RAD23B: variants seen among roughly 807,000 people sequenced by gnomAD.
RAD23B encodes the protein lysine-specific demethylase RAD23B.
A neutral mutation model predicts 49.1 loss-of-function variants in RAD23B; 5 were observed. That is an observed-to-expected ratio of 0.10 (90% CI 0.05 to 0.21). The LOEUF is 0.21. Among genes scored for constraint, RAD23B ranks in the 10% least tolerant of loss-of-function variants. The probability of loss-of-function intolerance (pLI) is 1.00; values close to 1 mark genes in which losing one functional copy is unlikely to be tolerated. For missense variants in RAD23B, 356 were observed against 486.7 expected (o/e 0.73, Z 2.53); for synonymous variants, 184 against 165.4 (o/e 1.11, Z -0.86).
chr9:107,306,515 C>T lies in RAD23B; in HGVS notation c.365C>T (p.Thr122Ile), dbSNP rs759152448. The T allele has an allele frequency of 1.2e-6, 2 of 1,614,038 alleles. No homozygotes were observed. Among genetic ancestry groups the T allele is most frequent in the African/African-American group, 1.3e-5 (1 of 74,910 alleles). ...TPVPALAPTS[T>I]PASITPASAT... ...GTCCCTGCCTTGGCCCCCACTTCCA[C>T]ACCTGCATCCATCACTCCAGCATCA... Residue 122 changes from threonine (T) to isoleucine (I), a missense_variant, in exon 4 of 10, where the codon ACA (threonine) becomes ATA (isoleucine). By Grantham distance (89) the Thr-to-Ile change is moderately conservative. This residue lies in a region of RAD23B where 137 missense variants were observed against 122.0 expected (regional missense o/e 1.12). Transcript: ENST00000358015.
chr9:107,298,163 C>T (rs1826571284), intron 1 of RAD23B, among the ~76,000 whole-genome samples: 1 of 152,172 alleles, frequency 6.6e-6, no homozygotes, highest in Non-Finnish European at 1.5e-5. Flanking sequence ...CTGAGTGCTC[C>T]ACCCATGCTC....
intron 6 of RAD23B, among the ~76,000 whole-genome samples, chr9:107,319,621 C>T (rs1465170160): frequency 1.3e-5 from 2 of 152,174 alleles, no homozygotes; most frequent in Non-Finnish European, 2.9e-5. Flanking sequence ...GAATCTAATT[C>T]ATTATCCTCT....
At chr9:107,306,004 C>T (rs1174045127) in intron 3 of RAD23B, among the ~76,000 whole-genome samples, 17 of 139,562 alleles carry the variant, frequency 1.2e-4, no homozygotes, top group Non-Finnish European at 2.6e-4. Context: ...CTTAAAGTTA[C>T]AACTTAGGTA....
At chr9:107,299,491 C>T (rs190080479) in intron 1 of RAD23B, among the ~76,000 whole-genome samples, 2 of 152,170 alleles carry the variant, frequency 1.3e-5, no homozygotes, top group East Asian at 3.8e-4. Context: ...GATTCCAGCT[C>T]CTCTTACAGA....
At chr9:107,300,475 G>A (rs1053496673) in intron 2 of RAD23B, among the ~76,000 whole-genome samples, 1 of 149,354 alleles carries the variant, frequency 6.7e-6, no homozygotes, top group African/African-American at 2.5e-5. Context: ...ACTGGCTTTT[G>A]TTTTTTTAAT....
At chr9:107,329,065 A>C (rs373457251) in intron 9 of RAD23B, among the ~76,000 whole-genome samples, 30 of 152,240 alleles carry the variant, frequency 2.0e-4, no homozygotes, top group African/African-American at 6.3e-4. Flanking sequence ...AATGAAAGAC[A>C]TGAGTTGACA....
chr9:107,323,919 C>T lies in RAD23B; in HGVS notation c.847C>T (p.Pro283Ser). Residue 283 changes from proline (P) to serine (S), a missense_variant, in exon 8 of 10, where the codon CCT becomes TCT. By Grantham distance (74) the Pro-to-Ser change is moderately conservative (BLOSUM62 -1). Coordinates refer to ENST00000358015, the MANE Select transcript of RAD23B (RefSeq NM_002874.5). ...TCCCCTTGAATTTTTACGGAATCAGCCTCAGTTTCAACAGATGAGACAAAT... is the reference window on the plus strand; with the variant it reads ...TCCCCTTGAATTTTTACGGAATCAGTCTCAGTTTCAACAGATGAGACAAAT... Reference protein sequence around the residue: ...GHPLEFLRNQPQFQQMRQIIQ... With the variant: ...GHPLEFLRNQSQFQQMRQIIQ... 6 of 1,611,340 alleles carry T rather than the reference C, an allele frequency of 3.7e-6. No homozygotes were observed. Among genetic ancestry groups the T allele is most frequent in the Non-Finnish European group, 5.1e-6 (6 of 1,177,568 alleles).
At chr9:107,299,011 A>C (rs947945872) in intron 1 of RAD23B, among the ~76,000 whole-genome samples, 1 of 152,176 alleles carries the variant, frequency 6.6e-6, no homozygotes, top group African/African-American at 2.4e-5. Context: ...GGTATTTGCA[A>C]AATACTCTGC....
intron 1 of RAD23B, among the ~76,000 whole-genome samples, chr9:107,286,730 G>A (rs961113133): frequency 5.3e-5 from 8 of 152,062 alleles, no homozygotes; most frequent in Non-Finnish European, 8.8e-5. Context: ...ACATATTAAA[G>A]CATTTTGAGA....
intron 1 of RAD23B, chr9:107,284,944 A>G: frequency 7.7e-7 from 1 of 1,301,664 alleles, no homozygotes; most frequent in Non-Finnish European, 1.0e-6. Flanking sequence ...CAGTAAATGG[A>G]ATCGATTATT....
At chr9:107,305,029 C>G (rs183359593) in intron 3 of RAD23B, among the ~76,000 whole-genome samples, 12 of 152,242 alleles carry the variant, frequency 7.9e-5, no homozygotes, top group African/African-American at 2.4e-4. Flanking sequence ...TGGCTGATGC[C>G]TGTAATCCCA....
In RAD23B at chr9:107,322,132, T is replaced by C; in HGVS notation, c.817+14T>C. On this transcript the variant is annotated intron_variant, in intron 7 of 9. Coordinates refer to ENST00000358015, the MANE Select transcript of RAD23B (RefSeq NM_002874.5). ...CAAGTTCTGGAGGTAAAGCGGAATC[T>C]TCTGGATGGGGAGGGAATGGCCCTG... The C allele has an allele frequency of 6.3e-7, 1 of 1,581,362 alleles. No homozygotes were observed. Among genetic ancestry groups the C allele is most frequent in the South Asian group, 1.2e-5 (1 of 86,684 alleles).
intron 4 of RAD23B, among the ~76,000 whole-genome samples, chr9:107,308,304 C>T (rs1826823402): frequency 6.6e-6 from 1 of 151,970 alleles, no homozygotes; most frequent in African/African-American, 2.4e-5. Flanking sequence ...CTACAACCTC[C>T]ACCTCCCGGG....
chr9:107,324,666 T>C (rs1285643609), intron 8 of RAD23B, among the ~76,000 whole-genome samples, 168 bp from the exon 9 acceptor site: 2 of 152,210 alleles, frequency 1.3e-5, no homozygotes, highest in East Asian at 3.8e-4. Context: ...TGAATTTCTT[T>C]ACTATTGTAT....
In RAD23B at chr9:107,318,456, T is replaced by A. The variant is rs1038668184; in HGVS notation, c.554-296T>A. On this transcript the variant is annotated intron_variant, in intron 5 of 9. Transcript: ENST00000358015. This position sits in a 1 kb window ranked among gnomAD's most constrained non-coding sequence, Gnocchi z 4.3. The stretch of plus-strand genomic sequence containing the variant: ...TTCATGTCATTACACTGGACCCACC[T>A]GGATAATCCAGAATGAGGTCTCTGT... Among the ~76,000 whole-genome samples the A allele has an allele frequency of 6.6e-6, 1 of 152,206 alleles. No individual in the cohort carries two copies. Among genetic ancestry groups the A allele is most frequent in the African/African-American group, 2.4e-5 (1 of 41,450 alleles).
Position 107,314,036 on chromosome 9 carries a change from G to A in RAD23B, c.553+2299G>A, listed in dbSNP as rs1826942716. 1.3e-5 allele frequency among the ~76,000 whole-genome samples: 2 copies of A among 151,044 alleles called. 1 individual carries two copies. Among genetic ancestry groups the A allele is most frequent in the Admixed American group, 1.3e-4 (2 of 15,112 alleles). On this transcript the variant is annotated intron_variant, in intron 5 of 9. Coordinates refer to ENST00000358015, the MANE Select transcript of RAD23B (RefSeq NM_002874.5). ...GAATATTTGTTTTCACTGTCATTTAGTTGCCTTAGTTCAGGTCCTTATTTC... is the reference window on the plus strand; with the variant it reads ...GAATATTTGTTTTCACTGTCATTTAATTGCCTTAGTTCAGGTCCTTATTTC...
rs1805331 is a variant in RAD23B at position 107,318,695 on chromosome 9, T to A, written c.554-57T>A. On this transcript the variant is annotated intron_variant, in intron 5 of 9. Coordinates refer to ENST00000358015, the MANE Select transcript of RAD23B (RefSeq NM_002874.5). The surrounding 1 kb of genome is among the most constrained non-coding windows in gnomAD (Gnocchi z 4.3). Reference sequence around the variant, plus strand: ...TTGTATACATGAATCAATAAATGTATAGAGAATGCTTATTTATTAAATGTT... The same window carrying A: ...TTGTATACATGAATCAATAAATGTAAAGAGAATGCTTATTTATTAAATGTT... 0.13 allele frequency: 194,997 copies of A among 1,529,870 alleles called. 13,143 individuals carry two copies. The highest frequency in any genetic ancestry group is 0.15 in the South Asian group (12,957 of 86,304). 94.8% of individuals were successfully genotyped at this position (1,529,870 alleles called of 1,614,324 possible). A position where few individuals can be genotyped will look rare whatever the true frequency, so the allele number is the denominator to read the frequency against.
chr9:107,300,629 A>C (rs1440354223), intron 2 of RAD23B, among the ~76,000 whole-genome samples: 2 of 152,118 alleles, frequency 1.3e-5, no homozygotes, highest in African/African-American at 2.4e-5. Flanking sequence ...ACAGACACCT[A>C]CAGGAAGAAA....
intron 7 of RAD23B, among the ~76,000 whole-genome samples, chr9:107,322,390 T>G (rs1337069731): frequency 6.6e-6 from 1 of 152,268 alleles, no homozygotes; most frequent in Non-Finnish European, 1.5e-5. Flanking sequence ...CTTTCCAGTT[T>G]GTATTTAGTG....
Sources: allele counts gnomAD v4.1 joint callset (sites outside exome capture counted in the v4.1 genomes callset), GRCh38; gene constraint gnomAD v4.1.1; regional missense constraint gnomAD v4.1.1; non-coding constraint Gnocchi (gnomAD v3.1); transcripts MANE v1.5; gene names NCBI Gene and HGNC (gene_info 2026-07-23, HGNC 2026-07-21).